Variants in SREK1IP1 observed in about 807,000 individuals in gnomAD.
SREK1IP1 encodes the protein SREK1 interacting protein 1, also known as protein SREK1IP1.
In SREK1IP1, 12 loss-of-function variants were observed where a neutral mutation model predicts 22.8. That is an observed-to-expected ratio of 0.53 (90% CI 0.34 to 0.85). SREK1IP1 has a LOEUF of 0.85. SREK1IP1 is among the 40% of genes least tolerant of loss of function. The probability of loss-of-function intolerance (pLI) is 0.02; values close to 1 mark genes in which losing one functional copy is unlikely to be tolerated. For synonymous variants in SREK1IP1, 53 were observed against 52.7 expected, an observed-to-expected ratio of 1.01 and a Z score of -0.02; for missense variants, 147 against 171.8, an observed-to-expected ratio of 0.86 and a Z score of 0.81.
At chr5:64,750,143 T>C (rs1435962957) in intron 2 of SREK1IP1, among the ~76,000 whole-genome samples, 1 of 152,222 alleles carries the variant, frequency 6.6e-6, no homozygotes, top group African/African-American at 2.4e-5. Flanking sequence ...CTGGGTTCCC[T>C]GACATTCTAG....
chr5:64,760,670 T>G (rs145407504), intron 1 of SREK1IP1, among the ~76,000 whole-genome samples: 1 of 152,218 alleles, frequency 6.6e-6, no homozygotes, highest in East Asian at 1.9e-4. Context: ...TTAAAAACTC[T>G]TAGTTTGTAA....
intron 2 of SREK1IP1, among the ~76,000 whole-genome samples, chr5:64,749,466 T>C (rs953077056): frequency 2.0e-5 from 3 of 151,970 alleles, no homozygotes; most frequent in Non-Finnish European, 4.4e-5. Flanking sequence ...AGAGAGGGTC[T>C]GGCTCTGTTA....
chr5:64,727,450 C>T (rs2112085930), intron 4 of SREK1IP1, among the ~76,000 whole-genome samples: 1 of 97,192 alleles, frequency 1.0e-5, no homozygotes, highest in East Asian at 2.8e-4. Flanking sequence ...CCCTCATCAG[C>T]CACCATATAT....
At position 64,721,341 on chromosome 5, in the gene SREK1IP1, G is replaced by C. The variant is rs1382928991; in HGVS notation, c.*3043C>G. ...ACTCAATAAATATTTGTTGAAGAAA[G>C]GATTCAATGGCATTTTTATCAACAT... On this transcript the variant is annotated 3_prime_UTR_variant, in exon 5 of 5. Coordinates refer to ENST00000513458, the MANE Select transcript of SREK1IP1 (RefSeq NM_173829.4). 6.6e-6 allele frequency: 1 copy of C among 152,240 alleles called. No individual in the cohort carries two copies. Among genetic ancestry groups the C allele is most frequent in the East Asian group, 1.9e-4 (1 of 5,178 alleles). The allele number at this position is 152,240 out of a possible 1,614,324, so 9.4% of individuals were successfully genotyped here.
chr5:64,741,549 C>G (rs1742551594), intron 2 of SREK1IP1, among the ~76,000 whole-genome samples: 1 of 152,098 alleles, frequency 6.6e-6, no homozygotes, highest in South Asian at 2.1e-4. Context: ...TACCATCATA[C>G]TTGGGATTTT....
chr5:64,728,496 C>T (rs1018498643), intron 3 of SREK1IP1, among the ~76,000 whole-genome samples: 2 of 152,120 alleles, frequency 1.3e-5, no homozygotes, highest in African/African-American at 4.8e-5. Context: ...AACACTACAA[C>T]AGTGCACAGT....
chr5:64,723,384 G>T lies in SREK1IP1; in HGVS notation c.*1000C>A, dbSNP rs568153448. The T allele has an allele frequency of 1.3e-5, 2 of 152,264 alleles. No individual in the cohort carries two copies. Among genetic ancestry groups the T allele is most frequent in the South Asian group, 4.1e-4 (2 of 4,822 alleles). 9.4% of individuals were successfully genotyped at this position (152,264 alleles called of 1,614,324 possible). Reference sequence around the variant, plus strand: ...GTCATTTATGAAAACGTTAAGTTCAGTGTGAAACTTGCTTTAAAACTACAA... The same window carrying T: ...GTCATTTATGAAAACGTTAAGTTCATTGTGAAACTTGCTTTAAAACTACAA... On this transcript the variant is annotated 3_prime_UTR_variant, in exon 5 of 5. Coordinates refer to ENST00000513458, the MANE Select transcript of SREK1IP1 (RefSeq NM_173829.4).
Position 64,754,314 on chromosome 5 carries a change from C to T in SREK1IP1, c.61+1G>A, listed in dbSNP as rs768699355. The T allele has an allele frequency of 5.6e-6, 9 of 1,613,604 alleles. No individual in the cohort carries two copies. Among genetic ancestry groups the T allele is most frequent in the Admixed American group, 5.0e-5 (3 of 59,990 alleles). ...AGCATGTCATCTTTTAGAATACTTA[C>T]GGTAGCCACATTTTTTACAGCCTGC... On this transcript the variant is annotated splice_donor_variant, in intron 2 of 4. Transcript: ENST00000513458. LOFTEE classifies it high-confidence loss of function.
rs755420855 is a variant in SREK1IP1 at position 64,752,144 on chromosome 5, G to GTTTTTTTTTTTTTTTTTTTTTTTTT, written c.61+2170_61+2171insAAAAAAAAAAAAAAAAAAAAAAAAA. Among the ~76,000 whole-genome samples the GTTTTTTTTTTTTTTTTTTTTTTTTT allele has an allele frequency of 2.3e-5, 2 of 85,476 alleles. 1 individual carries two copies. The allele number at this position is 85,476 out of a possible 152,430, so 56.1% of individuals were successfully genotyped here. On this transcript the variant is annotated intron_variant, in intron 2 of 4. Coordinates refer to ENST00000513458, the MANE Select transcript of SREK1IP1 (RefSeq NM_173829.4). ...CTCTTTTTCTGTGAATTTTTTTTGT[G>GTTTTTTTTTTTTTTTTTTTTTTTTT]TGTTTTTTTTTTTTTTTTTTTTTTT...
chr5:64,749,102 AT>A (rs1377319052), intron 2 of SREK1IP1, among the ~76,000 whole-genome samples: 245 of 144,924 alleles, frequency 1.7e-3, no homozygotes, highest in East Asian at 7.7e-3. Context: ...AATAATAATA[AT>A]AATAAAAACC....
At chr5:64,725,765 G>C (rs1216109215) in intron 4 of SREK1IP1, among the ~76,000 whole-genome samples, 2 of 149,298 alleles carry the variant, frequency 1.3e-5, no homozygotes, top group African/African-American at 2.5e-5. Context: ...TAAAGACCCT[G>C]TTTGACTTGA....
chr5:64,759,116 A>C (rs890168005), intron 1 of SREK1IP1, among the ~76,000 whole-genome samples: 2 of 152,156 alleles, frequency 1.3e-5, no homozygotes, highest in Non-Finnish European at 2.9e-5. Context: ...AGCAGCCCTA[A>C]CCAGGTTTGG....
In SREK1IP1 at chr5:64,724,301, A is replaced by G. The variant is rs1415209652; in HGVS notation, c.*83T>C. ...AAAAGGCTGTGATTTATTGCAAAGC[A>G]TAATATATAGCAAATTCCAAGGAAG... is the stretch of plus-strand genomic sequence containing the variant. On this transcript the variant is annotated 3_prime_UTR_variant, in exon 5 of 5. Coordinates refer to ENST00000513458, the MANE Select transcript of SREK1IP1 (RefSeq NM_173829.4). The G allele has an allele frequency of 2.4e-6, 3 of 1,250,976 alleles. No homozygotes were observed. The African/African-American group carries it at 4.6e-5, about 19-fold the overall frequency. 77.5% of individuals were successfully genotyped at this position (1,250,976 alleles called of 1,614,324 possible).
At position 64,737,899 on chromosome 5, in the gene SREK1IP1, A is replaced by G. The variant is rs1283889502; in HGVS notation, c.205+3158T>C. On this transcript the variant is annotated intron_variant, in intron 3 of 4. Transcript: ENST00000513458. ...AATCATGAAGAAATCGAAAATAGGAACAGACCAGTAACAAGTAAAGACACT... is the reference window on the plus strand; with the variant it reads ...AATCATGAAGAAATCGAAAATAGGAGCAGACCAGTAACAAGTAAAGACACT... 2.6e-5 allele frequency among the ~76,000 whole-genome samples: 4 copies of G among 152,342 alleles called. No homozygotes were observed. In the East Asian group the frequency reaches 7.7e-4, roughly 29 times the overall value.
chr5:64,736,024 CT>C (rs1241872146), intron 3 of SREK1IP1, among the ~76,000 whole-genome samples: 2 of 152,076 alleles, frequency 1.3e-5, no homozygotes, highest in Non-Finnish European at 2.9e-5. Context: ...CTAAGTACTT[CT>C]TTGGAGGCAT....
At chr5:64,747,650 C>T (rs7734281) in intron 2 of SREK1IP1, among the ~76,000 whole-genome samples, 8,625 of 151,140 alleles carry the variant, frequency 0.057, 805 homozygotes, top group African/African-American at 0.2. Context: ...GTTTTTCGGC[C>T]GGGCGCGGTG....
rs1038797668 is a variant in SREK1IP1, at chr5:64,718,931, A to G, written c.*5453T>C. 2.6e-5 allele frequency: 4 copies of G among 152,228 alleles called. No individual in the cohort carries two copies. Among genetic ancestry groups the G allele is most frequent in the Admixed American group, 1.3e-4 (2 of 15,276 alleles). 9.4% of individuals were successfully genotyped at this position (152,228 alleles called of 1,614,324 possible). On this transcript the variant is annotated 3_prime_UTR_variant, in exon 5 of 5. Coordinates refer to ENST00000513458, the MANE Select transcript of SREK1IP1 (RefSeq NM_173829.4). ...GGTATGGCCATAGCCAAAAACTAGC[A>G]TTTCAAAATGTGCTGAATACAGCTT...
intron 4 of SREK1IP1, among the ~76,000 whole-genome samples, chr5:64,726,752 C>CA (rs1311137034): frequency 6.6e-6 from 1 of 151,964 alleles, no homozygotes; most frequent in Non-Finnish European, 1.5e-5. Flanking sequence ...TCTAGTTGGG[C>CA]AAAATCATCT....
chr5:64,733,712 T>C (rs1266750509), intron 3 of SREK1IP1, among the ~76,000 whole-genome samples: 1 of 152,160 alleles, frequency 6.6e-6, no homozygotes. Flanking sequence ...ATAGCAGTTT[T>C]ATTAATAATA....
Sources: allele counts gnomAD v4.1 joint callset (sites outside exome capture counted in the v4.1 genomes callset), GRCh38; gene constraint gnomAD v4.1.1; transcripts MANE v1.5; gene names NCBI Gene and HGNC (gene_info 2026-07-23, HGNC 2026-07-21).